The following NAALADL2 variants were observed in gnomAD, a reference collection of about 807,000 sequenced individuals.
NAALADL2 encodes the protein N-acetylated alpha-linked acidic dipeptidase like 2, also known as inactive N-acetylated-alpha-linked acidic dipeptidase-like protein 2.
NAALADL2 carries 76 observed loss-of-function variants against 87.2 expected under a neutral mutation model. That is an observed-to-expected ratio of 0.87 (90% confidence interval 0.72 to 1.05). The LOEUF (loss-of-function observed/expected upper bound fraction) is 1.05. Among genes scored for constraint, NAALADL2 ranks in the 50% least tolerant of loss-of-function variants. The pLI, the probability that NAALADL2 is intolerant of heterozygous loss-of-function variation, is 0.00. For missense variants in NAALADL2, 1,089 were observed against 945.8 expected (o/e 1.15, Z -1.99); for synonymous variants, 354 against 331.0 (o/e 1.07, Z -0.75).
At chr3:174,525,999 T>A (rs1720712488) in intron 1 of NAALADL2, among the ~76,000 whole-genome samples, 2 of 152,220 alleles carry the variant, frequency 1.3e-5, no homozygotes, top group Non-Finnish European at 2.9e-5. Flanking sequence ...GTAGTGGAAC[T>A]AGTATCTAAA....
rs571659718 is a variant in NAALADL2 at position 175,060,760 on chromosome 3, T to G, written c.44-36030T>G. On this transcript the variant is annotated intron_variant, in intron 1 of 13. Coordinates refer to ENST00000454872, the MANE Select transcript of NAALADL2 (RefSeq NM_207015.3). Reference sequence around the variant, plus strand: ...GCTGACTGTGAGTTTATAAAGAAATTCTTCATTCTGAGTGCCGTGGCTCAT... The same window carrying G: ...GCTGACTGTGAGTTTATAAAGAAATGCTTCATTCTGAGTGCCGTGGCTCAT... Among the ~76,000 whole-genome samples, 12 of 152,228 alleles carry G rather than the reference T, an allele frequency of 7.9e-5. No individual in the cohort carries two copies. In the South Asian group the frequency reaches 2.3e-3, roughly 29 times the overall value.
At chr3:174,900,116 C>T (rs985269653) in intron 1 of NAALADL2, among the ~76,000 whole-genome samples, 6 of 151,876 alleles carry the variant, frequency 4.0e-5, no homozygotes, top group African/African-American at 9.7e-5. Flanking sequence ...ACCAGTTCTA[C>T]GAGATATTAC....
intron 3 of NAALADL2, among the ~76,000 whole-genome samples, chr3:174,775,681 A>G (rs1489465534): frequency 6.6e-6 from 1 of 152,156 alleles, no homozygotes; most frequent in East Asian, 1.9e-4. Context: ...AGGGTCCTCC[A>G]GAACAAAGGT....
chr3:175,403,320 A>G (rs1549114), intron 5 of NAALADL2, among the ~76,000 whole-genome samples: 89,265 of 151,808 alleles, frequency 0.59, 27,104 homozygotes, highest in East Asian at 0.67. Flanking sequence ...ACAGAAGTGA[A>G]TTGTCCCTTG....
At chr3:174,826,907 G>T (rs1238723370) in intron 3 of NAALADL2, among the ~76,000 whole-genome samples, 1 of 151,872 alleles carries the variant, frequency 6.6e-6, no homozygotes, top group Non-Finnish European at 1.5e-5. Flanking sequence ...AAACTCTTTG[G>T]TTATAAATAA....
intron 1 of NAALADL2, among the ~76,000 whole-genome samples, chr3:175,050,937 A>G (rs1755305123): frequency 6.6e-6 from 1 of 152,230 alleles, no homozygotes; most frequent in African/African-American, 2.4e-5. Flanking sequence ...AGAATAAAAA[A>G]AATAATAGAG....
At chr3:175,117,691 T>G (rs960989843) in intron 2 of NAALADL2, among the ~76,000 whole-genome samples, 2 of 151,606 alleles carry the variant, frequency 1.3e-5, no homozygotes, top group African/African-American at 4.9e-5. Context: ...GTTCAACCAT[T>G]GTGGAAGACA....
chr3:175,781,452 C>A (rs1751053144), intron 13 of NAALADL2, among the ~76,000 whole-genome samples: 1 of 151,916 alleles, frequency 6.6e-6, no homozygotes. Context: ...TGCTGCCAGT[C>A]ATATAAGCAT....
At chr3:175,390,271 G>A (rs1768919061) in intron 5 of NAALADL2, among the ~76,000 whole-genome samples, 2 of 152,010 alleles carry the variant, frequency 1.3e-5, no homozygotes, top group African/African-American at 4.8e-5. Context: ...TCATTTTACT[G>A]TTTTATATTT....
chr3:175,244,712 C>T (rs922925561), intron 3 of NAALADL2, among the ~76,000 whole-genome samples: 7 of 152,090 alleles, frequency 4.6e-5, no homozygotes, highest in African/African-American at 1.2e-4. Flanking sequence ...TACTTACTGC[C>T]GTCTAAAAAG....
intron 5 of NAALADL2, among the ~76,000 whole-genome samples, chr3:175,392,922 C>A (rs1769248365): frequency 6.6e-6 from 1 of 152,128 alleles, no homozygotes. Context: ...ACAGAAAAGA[C>A]TACAAATCAA....
intron 5 of NAALADL2, among the ~76,000 whole-genome samples, chr3:175,351,780 G>A (rs923896283): frequency 6.6e-6 from 1 of 152,016 alleles, no homozygotes; most frequent in African/African-American, 2.4e-5. Context: ...AGTTGGAGAG[G>A]AAGGGAGGGG....
At chr3:175,605,852 G>A (rs1335186833) in intron 10 of NAALADL2, among the ~76,000 whole-genome samples, 1 of 151,990 alleles carries the variant, frequency 6.6e-6, no homozygotes, top group Non-Finnish European at 1.5e-5. Context: ...ACTACAAATT[G>A]CATCACTAGA....
intron 5 of NAALADL2, among the ~76,000 whole-genome samples, chr3:175,446,921 C>T (rs1426600027): frequency 6.6e-6 from 1 of 152,102 alleles, no homozygotes. Flanking sequence ...TCTCCTGGCC[C>T]CTGTACCTTT....
intron 2 of NAALADL2, among the ~76,000 whole-genome samples, chr3:174,650,746 T>A (rs887175891): frequency 6.6e-6 from 1 of 152,026 alleles, no homozygotes; most frequent in East Asian, 1.9e-4. Flanking sequence ...TGAAGAGACA[T>A]ATTAGGATGT....
At chr3:175,325,313 A>G (rs1352421160) in intron 5 of NAALADL2, among the ~76,000 whole-genome samples, 2 of 152,190 alleles carry the variant, frequency 1.3e-5, no homozygotes, top group African/African-American at 2.4e-5. Flanking sequence ...TGTTGCATCT[A>G]CTGATTATTG....
chr3:174,987,492 C>T (rs1746040896), intron 1 of NAALADL2, among the ~76,000 whole-genome samples: 1 of 131,384 alleles, frequency 7.6e-6, no homozygotes, highest in Non-Finnish European at 1.5e-5. Context: ...TGGCGTGAAC[C>T]CGGGAGGCGG....
chr3:175,327,029 A>G (rs375238380), intron 5 of NAALADL2, among the ~76,000 whole-genome samples: 2 of 152,222 alleles, frequency 1.3e-5, no homozygotes, highest in Non-Finnish European at 2.9e-5. Flanking sequence ...GAAGTAATTT[A>G]GAACAACCCA....
At chr3:175,185,153 C>T (rs1217750617) in intron 2 of NAALADL2, among the ~76,000 whole-genome samples, 2 of 152,026 alleles carry the variant, frequency 1.3e-5, no homozygotes, top group African/African-American at 4.8e-5. Context: ...ACCTATAAAA[C>T]AATTCAAAGC....
Sources: allele counts gnomAD v4.1 joint callset (sites outside exome capture counted in the v4.1 genomes callset), GRCh38; gene constraint gnomAD v4.1.1; transcripts MANE v1.5; gene names NCBI Gene and HGNC (gene_info 2026-07-23, HGNC 2026-07-21).